The following GNB1 variants were observed in gnomAD, a reference collection of about 807,000 sequenced individuals.
GNB1 encodes G protein subunit beta 1.
In GNB1, 2 loss-of-function variants were observed where a neutral mutation model predicts 42.9. The observed-to-expected ratio is 0.05, with a 90% CI of 0.02 to 0.15. The LOEUF (loss-of-function observed/expected upper bound fraction) is 0.15. GNB1 is among the 10% of genes least tolerant of loss of function. The pLI, the probability that GNB1 is intolerant of heterozygous loss-of-function variation, is 1.00. For synonymous variants in GNB1, 183 were observed against 174.7 expected (o/e 1.05, Z -0.38); for missense variants, 193 against 462.2 (o/e 0.42, Z 5.34).
intron 8 of GNB1, among the ~76,000 whole-genome samples, chr1:1,791,427 G>A (rs1399499610): frequency 3.3e-5 from 5 of 151,920 alleles, no homozygotes; most frequent in East Asian, 1.9e-4. Flanking sequence ...CGCCCGCCTC[G>A]GCCTCCCAAA....
At chr1:1,832,239 T>C (rs904720004) in intron 2 of GNB1, 1 of 152,178 alleles carries the variant, frequency 6.6e-6, no homozygotes, top group African/African-American at 2.4e-5. Context: ...CACATTTAAT[T>C]GCTCTTGCTT....
chr1:1,847,684 T>A (rs1031952650), intron 1 of GNB1, among the ~76,000 whole-genome samples: 10 of 151,984 alleles, frequency 6.6e-5, no homozygotes, highest in African/African-American at 2.4e-4. Context: ...AACAATCAAC[T>A]CCTGCTGGAG....
chr1:1,846,481 C>T (rs991346814), intron 1 of GNB1, among the ~76,000 whole-genome samples: 3 of 152,062 alleles, frequency 2.0e-5, no homozygotes, highest in Non-Finnish European at 2.9e-5. Flanking sequence ...GCAGAAGGAT[C>T]GCTTGAACCC....
At chr1:1,867,171 G>A (rs1402605242) in intron 1 of GNB1, among the ~76,000 whole-genome samples, 1 of 152,156 alleles carries the variant, frequency 6.6e-6, no homozygotes, top group Non-Finnish European at 1.5e-5. Context: ...GGAGGCTGAG[G>A]CAGAAGAATT....
chr1:1,789,530 T>A (rs936604198), intron 9 of GNB1, among the ~76,000 whole-genome samples: 3 of 151,984 alleles, frequency 2.0e-5, no homozygotes, highest in African/African-American at 7.3e-5. Context: ...CCATCTATAC[T>A]AAAAATACAA....
chr1:1,847,824 T>C (rs888612513), intron 1 of GNB1, among the ~76,000 whole-genome samples: 50 of 152,080 alleles, frequency 3.3e-4, no homozygotes, highest in Admixed American at 4.6e-4. Context: ...ATGTGGATCT[T>C]AGAGAAATTC....
At chr1:1,806,403 A>G (rs1646695459) in intron 6 of GNB1, 72 bp downstream of exon 6, 2 of 928,486 alleles carry the variant, frequency 2.2e-6, no homozygotes, top group African/African-American at 3.2e-5. Flanking sequence ...GTGATTTAAC[A>G]AAATGAATCC....
chr1:1,805,687 CCT>C (rs1287567885), intron 6 of GNB1, among the ~76,000 whole-genome samples: 3 of 151,836 alleles, frequency 2.0e-5, no homozygotes, highest in African/African-American at 7.3e-5. Context: ...ATTACAGGCG[CCT>C]GCCACCACTC....
intron 2 of GNB1, among the ~76,000 whole-genome samples, chr1:1,827,387 T>C (rs1647013787): frequency 6.6e-6 from 1 of 152,138 alleles, no homozygotes; most frequent in Admixed American, 6.6e-5. Context: ...CAAATAGTTG[T>C]TTCTAAAGGC....
At chr1:1,843,924 G>T (rs970379630) in intron 1 of GNB1, among the ~76,000 whole-genome samples, 4 of 151,770 alleles carry the variant, frequency 2.6e-5, no homozygotes, top group Non-Finnish European at 4.4e-5. Context: ...GGCCGGGTGC[G>T]GTGGCTCATT....
chr1:1,876,284 T>C lies in GNB1; in HGVS notation c.-96+14536A>G, dbSNP rs113384712. On this transcript the variant is annotated intron_variant, in intron 1 of 11. Transcript: ENST00000378609. The stretch of plus-strand genomic sequence containing the variant: ...CAGAACCACAAGGGTAGAAATCAAG[T>C]GCCCAGATCAGCTTGGAGAAGGACT... Among the ~76,000 whole-genome samples the C allele has an allele frequency of 2.6e-5, 4 of 152,120 alleles. No individual in the cohort carries two copies. In the East Asian group the frequency reaches 7.7e-4, roughly 29 times the overall value.
chr1:1,837,553 CTTTTTGTTTTTG>C (rs751404747), intron 2 of GNB1, among the ~76,000 whole-genome samples: 11 of 146,912 alleles, frequency 7.5e-5, no homozygotes, highest in Non-Finnish European at 9.0e-5. Flanking sequence ...CATGCCTGGC[CTTTTTGTTTTTG>C]TTTTTGTTTT....
At chr1:1,824,802 G>A (rs766285177) in intron 3 of GNB1, among the ~76,000 whole-genome samples, 11 of 152,054 alleles carry the variant, frequency 7.2e-5, no homozygotes, top group Non-Finnish European at 1.0e-4. Context: ...TCGAACTCCC[G>A]ACCTCAGGTG....
chr1:1,854,783 C>T (rs962619452), intron 1 of GNB1, among the ~76,000 whole-genome samples: 1 of 152,140 alleles, frequency 6.6e-6, no homozygotes, highest in Admixed American at 6.5e-5. Flanking sequence ...CCGTAATCCC[C>T]GCACTTTGGG....
At chr1:1,866,840 G>A (rs1210536511) in intron 1 of GNB1, among the ~76,000 whole-genome samples, 2 of 152,120 alleles carry the variant, frequency 1.3e-5, no homozygotes, top group African/African-American at 4.8e-5. Context: ...TGTAGTCCCA[G>A]GTACTCAGGA....
chr1:1,875,946 G>C (rs1320106556), intron 1 of GNB1, among the ~76,000 whole-genome samples: 2 of 152,080 alleles, frequency 1.3e-5, no homozygotes, highest in East Asian at 3.8e-4. Flanking sequence ...CTGAATTAGG[G>C]TGGCCCTAAT....
chr1:1,842,309 A>T (rs1647274812), intron 1 of GNB1, among the ~76,000 whole-genome samples: 1 of 152,178 alleles, frequency 6.6e-6, no homozygotes, highest in African/African-American at 2.4e-5. Context: ...GGGCGTCTGT[A>T]GTCCCAGCTA....
intron 2 of GNB1, among the ~76,000 whole-genome samples, chr1:1,830,788 C>T (rs1347958665): frequency 1.3e-5 from 2 of 151,984 alleles, no homozygotes; most frequent in Non-Finnish European, 2.9e-5. Flanking sequence ...TTCAAGTGAT[C>T]CTCCTGCCAA....
chr1:1,850,615 C>T, intron 1 of GNB1, among the ~76,000 whole-genome samples: 1 of 151,824 alleles, frequency 6.6e-6, no homozygotes. Context: ...GAGTTTCTGC[C>T]TCCTGAAATT....
Sources: gnomAD v4.1 joint callset for allele counts (sites outside exome capture counted in the v4.1 genomes callset) on GRCh38, gnomAD v4.1.1 for gene constraint, MANE v1.5 for transcripts, NCBI Gene and HGNC (gene_info 2026-07-23, HGNC 2026-07-21) for gene names.